The following CNTNAP5 variants were observed in gnomAD, a reference collection of about 807,000 sequenced individuals.
CNTNAP5 encodes the protein contactin-associated protein-like 5.
A neutral mutation model predicts 150.2 loss-of-function variants in CNTNAP5; 72 were observed. The ratio of observed to expected loss-of-function variants is 0.48; its 90% confidence interval spans 0.40 to 0.58. CNTNAP5 has a LOEUF of 0.58. Ranked by LOEUF, CNTNAP5 falls within the 20% of genes least tolerant of loss-of-function variation. The pLI, the probability that CNTNAP5 is intolerant of heterozygous loss-of-function variation, is 0.00. For missense variants in CNTNAP5, 1,636 were observed against 1,626.2 expected (o/e 1.01, Z -0.10); for synonymous variants, 672 against 619.8 (o/e 1.08, Z -1.25).
At chr2:124,182,447 A>G (rs1481221324) in intron 1 of CNTNAP5, among the ~76,000 whole-genome samples, 1 of 152,026 alleles carries the variant, frequency 6.6e-6, no homozygotes, top group Non-Finnish European at 1.5e-5. Context: ...AGGAAGCGGA[A>G]GTAACTTGCC....
At chr2:124,427,320 C>T (rs1214761923) in intron 4 of CNTNAP5, among the ~76,000 whole-genome samples, 2 of 152,130 alleles carry the variant, frequency 1.3e-5, no homozygotes, top group African/African-American at 4.8e-5. Context: ...GATGCATTTT[C>T]TAAAACACAA....
At chr2:124,830,727 A>AAG (rs1682696559) in intron 19 of CNTNAP5, among the ~76,000 whole-genome samples, 1 of 152,050 alleles carries the variant, frequency 6.6e-6, no homozygotes, top group African/African-American at 2.4e-5. Context: ...CTGGACCTTC[A>AAG]AGATAAACAT....
chr2:124,173,407 G>A (rs1573810616), intron 1 of CNTNAP5, among the ~76,000 whole-genome samples: 2 of 152,318 alleles, frequency 1.3e-5, no homozygotes, highest in East Asian at 3.9e-4. Flanking sequence ...GTACCAGTTA[G>A]CTAAGTTCTG....
chr2:124,301,237 A>G (rs1688561933), intron 3 of CNTNAP5, among the ~76,000 whole-genome samples: 1 of 152,216 alleles, frequency 6.6e-6, no homozygotes, highest in Non-Finnish European at 1.5e-5. Flanking sequence ...GTAGCATGTC[A>G]TCTCCAAAAA....
chr2:124,794,471 AT>A (rs1681802371), intron 18 of CNTNAP5, among the ~76,000 whole-genome samples: 1 of 152,240 alleles, frequency 6.6e-6, no homozygotes, highest in Non-Finnish European at 1.5e-5. Flanking sequence ...ATTATCTAAA[AT>A]TTTGGTGTAA....
At chr2:124,845,167 G>T (rs530891965) in intron 19 of CNTNAP5, among the ~76,000 whole-genome samples, 4 of 152,030 alleles carry the variant, frequency 2.6e-5, no homozygotes, top group African/African-American at 7.2e-5. Flanking sequence ...TGCCCATTTT[G>T]CTGAGGGTTT....
chr2:124,745,071 A>T (rs181843128), intron 13 of CNTNAP5, among the ~76,000 whole-genome samples: 1 of 152,196 alleles, frequency 6.6e-6, no homozygotes, highest in Non-Finnish European at 1.5e-5. Context: ...GCGGTGCAAG[A>T]TGTTGATGGA....
rs1158686868 is a variant in CNTNAP5, at chr2:124,655,344, A to G, written c.2077+7386A>G. On this transcript the variant is annotated intron_variant, in intron 13 of 23. Coordinates refer to ENST00000682447, the MANE Select transcript of CNTNAP5 (RefSeq NM_001367498.1). ...TGAACTCATTCTTTTTTATGGCTGC[A>G]TAGTATTCCATGGTGTATATGTGCC... Among the ~76,000 whole-genome samples the G allele has an allele frequency of 4.6e-5, 7 of 152,176 alleles. No individual in the cohort carries two copies. The East Asian group carries it at 1.4e-3, about 29-fold the overall frequency.
At chr2:124,895,778 A>C (rs1348573837) in intron 21 of CNTNAP5, among the ~76,000 whole-genome samples, 13 of 151,676 alleles carry the variant, frequency 8.6e-5, no homozygotes, top group Non-Finnish European at 1.9e-4. Flanking sequence ...TCAGAAGGGA[A>C]ATCAACTGTT....
chr2:124,739,758 T>G (rs1048603492), intron 13 of CNTNAP5, among the ~76,000 whole-genome samples: 1 of 152,166 alleles, frequency 6.6e-6, no homozygotes, highest in Non-Finnish European at 1.5e-5. Context: ...CAACACCAAG[T>G]CTCTGAGCCT....
intron 13 of CNTNAP5, among the ~76,000 whole-genome samples, chr2:124,655,759 G>T (rs1027539705): frequency 1.3e-5 from 2 of 151,594 alleles, no homozygotes; most frequent in African/African-American, 4.9e-5. Context: ...AAGTTATCCA[G>T]GTGTGGTGGG....
intron 16 of CNTNAP5, 51 bp downstream of exon 16, chr2:124,764,198 T>C: frequency 6.7e-7 from 1 of 1,497,394 alleles, no homozygotes; most frequent in Non-Finnish European, 9.2e-7. Flanking sequence ...AAACAAGTTT[T>C]AGTCTTGTTT....
At chr2:124,426,729 G>T (rs1485751999) in intron 4 of CNTNAP5, among the ~76,000 whole-genome samples, 1 of 152,144 alleles carries the variant, frequency 6.6e-6, no homozygotes, top group Admixed American at 6.5e-5. Context: ...TAGCTGGTTT[G>T]TTGACAAGCT....
intron 1 of CNTNAP5, among the ~76,000 whole-genome samples, chr2:124,034,297 C>A (rs950439628): frequency 6.6e-6 from 1 of 152,148 alleles, no homozygotes; most frequent in African/African-American, 2.4e-5. Flanking sequence ...ATTAATGAAA[C>A]TCAGCATGGA....
At chr2:124,668,057 T>A (rs1425142486) in intron 13 of CNTNAP5, among the ~76,000 whole-genome samples, 1 of 151,956 alleles carries the variant, frequency 6.6e-6, no homozygotes, top group Non-Finnish European at 1.5e-5. Context: ...CAGGAAAGAG[T>A]GAATGTTATA....
chr2:124,232,898 A>T (rs1436369269), intron 2 of CNTNAP5, among the ~76,000 whole-genome samples: 1 of 152,168 alleles, frequency 6.6e-6, no homozygotes, highest in Non-Finnish European at 1.5e-5. Flanking sequence ...TGGTTGAAAA[A>T]TATTAAATTA....
At chr2:124,346,916 C>CAAAAAAAAAAA (rs35078281) in intron 3 of CNTNAP5, among the ~76,000 whole-genome samples, 1 of 109,062 alleles carries the variant, frequency 9.2e-6, no homozygotes, top group African/African-American at 3.6e-5. Context: ...ATTAAAAATA[C>CAAAAAAAAAAA]AAAAAAAAAA....
chr2:124,528,652 G>A (rs1189934021), intron 10 of CNTNAP5, among the ~76,000 whole-genome samples: 1 of 152,186 alleles, frequency 6.6e-6, no homozygotes. Flanking sequence ...GTAGGCCACT[G>A]TGGATTGTGA....
chr2:124,750,713 T>C (rs1680705240), intron 14 of CNTNAP5, among the ~76,000 whole-genome samples: 1 of 151,874 alleles, frequency 6.6e-6, no homozygotes, highest in Non-Finnish European at 1.5e-5. Context: ...AGGTCGGACA[T>C]AGTGGCTCAC....
Sources: gnomAD v4.1 joint callset for allele counts (sites outside exome capture counted in the v4.1 genomes callset) on GRCh38, gnomAD v4.1.1 for gene constraint, MANE v1.5 for transcripts, NCBI Gene and HGNC (gene_info 2026-07-23, HGNC 2026-07-21) for gene names.